CAMK1D: variants seen among roughly 807,000 people sequenced by gnomAD.
CAMK1D encodes the protein calcium/calmodulin-dependent protein kinase type 1D.
A neutral mutation model predicts 47.7 loss-of-function variants in CAMK1D; 9 were observed. The ratio of observed to expected loss-of-function variants is 0.19; its 90% confidence interval spans 0.11 to 0.33. The LOEUF is 0.33. Ranked by LOEUF, CAMK1D falls within the 10% of genes least tolerant of loss-of-function variation. CAMK1D has a pLI of 1.00. For missense variants in CAMK1D, 291 were observed against 488.7 expected (o/e 0.60, Z 3.81); for synonymous variants, 184 against 184.9 (o/e 0.99, Z 0.04).
At position 12,828,943 on chromosome 10, in the gene CAMK1D, G is replaced by T. The variant is rs886119463; in HGVS notation, c.*56G>T. ...GCTGGGGAAGGGGAGCCCCAGGGTC[G>T]CCAGAGCCGCGAGCCACTCCAGCGA... On this transcript the variant is annotated 3_prime_UTR_variant, in exon 11 of 11. Coordinates refer to ENST00000619168, the MANE Select transcript of CAMK1D (RefSeq NM_153498.4). The T allele has an allele frequency of 7.5e-7, 1 of 1,325,438 alleles. No homozygotes were observed. The highest frequency in any genetic ancestry group is 1.0e-6 in the Non-Finnish European group (1 of 982,026). 82.1% of individuals were successfully genotyped at this position (1,325,438 alleles called of 1,614,324 possible).
chr10:12,612,562 G>T (rs1052444660), intron 2 of CAMK1D, among the ~76,000 whole-genome samples: 4 of 152,084 alleles, frequency 2.6e-5, no homozygotes, highest in African/African-American at 9.7e-5. Flanking sequence ...GTACCAGGAA[G>T]TTGACAGGAT....
chr10:12,476,324 A>ATC lies in CAMK1D; in HGVS notation c.93-76897_93-76896dup, dbSNP rs531899393. The stretch of plus-strand genomic sequence containing the variant: ...AAAAGAAGTCTAGAGTGAATCCCAG[A>ATC]TCTCTAGCTTGGGTGACTAGATGAC... On this transcript the variant is annotated intron_variant, in intron 1 of 10. Transcript: ENST00000619168. Among the ~76,000 whole-genome samples, 6 of 152,074 alleles carry ATC rather than the reference A, an allele frequency of 3.9e-5. No homozygotes were observed. The East Asian group carries it at 1.2e-3, about 29-fold the overall frequency.
chr10:12,740,069 G>A (rs182551029), intron 3 of CAMK1D, among the ~76,000 whole-genome samples: 6 of 152,178 alleles, frequency 3.9e-5, no homozygotes, highest in African/African-American at 1.4e-4. Flanking sequence ...GTTTCATCCC[G>A]TCATCTGGGA....
intron 2 of CAMK1D, among the ~76,000 whole-genome samples, chr10:12,609,360 G>A (rs974889126): frequency 3.3e-5 from 5 of 152,152 alleles, no homozygotes; most frequent in Admixed American, 6.5e-5. Context: ...AAATGGTTTC[G>A]AGATGATTCC....
intron 6 of CAMK1D, among the ~76,000 whole-genome samples, chr10:12,797,499 G>A (rs1838247679): frequency 6.6e-6 from 1 of 151,898 alleles, no homozygotes; most frequent in Admixed American, 6.6e-5. Context: ...GAGCCACAGT[G>A]CCCAGCCCCT....
At chr10:12,664,398 T>C (rs531113498) in intron 2 of CAMK1D, among the ~76,000 whole-genome samples, 1 of 151,840 alleles carries the variant, frequency 6.6e-6, no homozygotes, top group African/African-American at 2.4e-5. Flanking sequence ...TTAAAAGCAG[T>C]TTCTAGTCAG....
Position 12,707,430 on chromosome 10 carries a change from T to G in CAMK1D, c.299+40620T>G, listed in dbSNP as rs567753455. Among the ~76,000 whole-genome samples, 174 of 152,334 alleles carry G rather than the reference T, an allele frequency of 1.1e-3. 1 individual carries two copies. Among genetic ancestry groups the G allele is most frequent in the Non-Finnish European group, 2.1e-3 (141 of 68,034 alleles). On this transcript the variant is annotated intron_variant, in intron 3 of 10. Coordinates refer to ENST00000619168, the MANE Select transcript of CAMK1D (RefSeq NM_153498.4). Reference sequence around the variant, plus strand: ...TAGTAATCCAATTTGGCATCCCATATCCTCTTCCCAACAAGAATTTAAAGT... The same window carrying G: ...TAGTAATCCAATTTGGCATCCCATAGCCTCTTCCCAACAAGAATTTAAAGT...
In CAMK1D at chr10:12,615,866, GTA is replaced by G. The variant is rs904871466; in HGVS notation, c.225-50868_225-50867del. On this transcript the variant is annotated intron_variant, in intron 2 of 10. Transcript: ENST00000619168. ...TGTATAGGTGTAGGTGTGTATGCAT[GTA>G]TGTGTATAAGTGTATGCATAAGTGA... Among the ~76,000 whole-genome samples the G allele has an allele frequency of 2.5e-3, 83 of 32,590 alleles. 1 individual carries two copies. Among genetic ancestry groups the G allele is most frequent in the Non-Finnish European group, 0.022 (49 of 2,220 alleles). The allele number at this position is 32,590 out of a possible 152,430, so 21.4% of individuals were successfully genotyped here. A position where few individuals can be genotyped will look rare whatever the true frequency, so the allele number is the denominator to read the frequency against.
intron 1 of CAMK1D, among the ~76,000 whole-genome samples, chr10:12,363,665 GTTTTTT>G (rs1165886868): frequency 1.7e-5 from 2 of 117,108 alleles, no homozygotes; most frequent in African/African-American, 3.4e-5. Flanking sequence ...GTTTCCTAAG[GTTTTTT>G]TTTTTTTTTT....
chr10:12,509,296 G>C (rs1445538978), intron 1 of CAMK1D, among the ~76,000 whole-genome samples: 1 of 152,202 alleles, frequency 6.6e-6, no homozygotes, highest in Non-Finnish European at 1.5e-5. Flanking sequence ...TGTTTGAAAA[G>C]CCACTAGAGA....
intron 5 of CAMK1D, among the ~76,000 whole-genome samples, chr10:12,788,916 A>G (rs935100128): frequency 6.6e-6 from 1 of 152,208 alleles, no homozygotes; most frequent in Non-Finnish European, 1.5e-5. Context: ...CTTGTTTAAA[A>G]AAAATAAAAA....
intron 2 of CAMK1D, among the ~76,000 whole-genome samples, chr10:12,642,621 C>A (rs1297366409): frequency 6.6e-6 from 1 of 152,132 alleles, no homozygotes; most frequent in Non-Finnish European, 1.5e-5. Context: ...GAAGGTGGAT[C>A]CAAAAATTCC....
chr10:12,623,424 C>CCTTCCTCTCTCCCTCT (rs776851705), intron 2 of CAMK1D, among the ~76,000 whole-genome samples: 252 of 2,068 alleles, frequency 0.12, 78 homozygotes, highest in Non-Finnish European at 0.25. Context: ...TTCTTTCCTT[C>CCTTCCTCTCTCCCTCT]CTCCCTCCCT....
At chr10:12,534,195 TATCTATCTGTCTATCA>T (rs1247184190) in intron 1 of CAMK1D, among the ~76,000 whole-genome samples, 6 of 152,088 alleles carry the variant, frequency 3.9e-5, no homozygotes, top group African/African-American at 1.5e-4. Flanking sequence ...TCTGTCTATC[TATCTATCTGTCTATCA>T]GTCAATCAAT....
intron 2 of CAMK1D, among the ~76,000 whole-genome samples, chr10:12,605,900 G>T (rs926684200): frequency 9.2e-5 from 14 of 152,176 alleles, no homozygotes; most frequent in Admixed American, 9.2e-4. Context: ...GATGGATGGG[G>T]TTAGTGCCAG....
intron 1 of CAMK1D, among the ~76,000 whole-genome samples, chr10:12,386,350 T>C (rs1017488693): frequency 6.6e-6 from 1 of 152,062 alleles, no homozygotes; most frequent in Admixed American, 6.6e-5. Context: ...AATAGGAGGA[T>C]TGCTTGAAGC....
At chr10:12,683,678 G>A (rs544110751) in intron 3 of CAMK1D, among the ~76,000 whole-genome samples, 1 of 151,438 alleles carries the variant, frequency 6.6e-6, no homozygotes, top group African/African-American at 2.4e-5. Flanking sequence ...GGCCGAAGAT[G>A]CACAATGCCT....
intron 4 of CAMK1D, among the ~76,000 whole-genome samples, chr10:12,767,400 C>G (rs564731016): frequency 2.2e-4 from 33 of 152,262 alleles, no homozygotes; most frequent in African/African-American, 7.9e-4. Flanking sequence ...TGGTCTTGAA[C>G]TCCTAACCTC....
Position 12,833,537 on chromosome 10 carries a change from T to A in CAMK1D, c.*4650T>A, listed in dbSNP as rs781686011. 6.6e-6 allele frequency: 1 copy of A among 152,234 alleles called. No individual in the cohort carries two copies. The highest frequency in any genetic ancestry group is 1.5e-5 in the Non-Finnish European group (1 of 68,050). 9.4% of individuals were successfully genotyped at this position (152,234 alleles called of 1,614,324 possible). A position where few individuals can be genotyped will look rare whatever the true frequency, so the allele number is the denominator to read the frequency against. ...CCTTGGCCAGAATTGAGTCTTCGCGTTGGGGAGGCCACGCTGGAACCATTG... is the reference window on the plus strand; with the variant it reads ...CCTTGGCCAGAATTGAGTCTTCGCGATGGGGAGGCCACGCTGGAACCATTG... On this transcript the variant is annotated 3_prime_UTR_variant, in exon 11 of 11. Transcript: ENST00000619168.
Sources: allele counts gnomAD v4.1 joint callset (sites outside exome capture counted in the v4.1 genomes callset), GRCh38; gene constraint gnomAD v4.1.1; transcripts MANE v1.5; gene names NCBI Gene and HGNC (gene_info 2026-07-23, HGNC 2026-07-21).